Variants in AKAP6 observed in about 807,000 individuals in gnomAD.
The protein encoded by AKAP6 is A-kinase anchor protein 6.
Under a neutral mutation model 188.5 loss-of-function variants are expected in AKAP6, and 58 were observed. The ratio of observed to expected loss-of-function variants is 0.31; its 90% confidence interval spans 0.25 to 0.38. The LOEUF (loss-of-function observed/expected upper bound fraction) is 0.38. Among genes scored for constraint, AKAP6 ranks in the 10% least tolerant of loss-of-function variants. The pLI is 1.00. For missense variants in AKAP6, 2,710 were observed against 2,740.0 expected, an observed-to-expected ratio of 0.99 and a Z score of 0.24; for synonymous variants, 989 against 998.6, an observed-to-expected ratio of 0.99 and a Z score of 0.18.
At chr14:32,697,353 T>C (rs1188988124) in intron 9 of AKAP6, among the ~76,000 whole-genome samples, 2 of 152,190 alleles carry the variant, frequency 1.3e-5, no homozygotes, top group East Asian at 3.9e-4. Context: ...TTGTTGACTG[T>C]TAGCTGTTTC....
chr14:32,395,160 T>G (rs972944437), intron 1 of AKAP6, among the ~76,000 whole-genome samples: 10 of 152,114 alleles, frequency 6.6e-5, no homozygotes, highest in African/African-American at 2.4e-4. Context: ...CCAAGCAGGC[T>G]AAATATAACT....
At chr14:32,779,693 G>A (rs1042417704) in intron 12 of AKAP6, among the ~76,000 whole-genome samples, 5 of 152,114 alleles carry the variant, frequency 3.3e-5, no homozygotes, top group African/African-American at 4.8e-5. Context: ...CAACTGTGAG[G>A]AGACAACAAA....
chr14:32,819,362 C>T (rs1486759773), intron 12 of AKAP6, among the ~76,000 whole-genome samples: 1 of 152,156 alleles, frequency 6.6e-6, no homozygotes, highest in Non-Finnish European at 1.5e-5. Flanking sequence ...GGATTGAGGG[C>T]TTCTTAGGAA....
At chr14:32,444,829 C>T (rs2138751379) in intron 2 of AKAP6, among the ~76,000 whole-genome samples, 1 of 152,308 alleles carries the variant, frequency 6.6e-6, no homozygotes, top group Admixed American at 6.5e-5. Flanking sequence ...GTATTAACAA[C>T]AGCTGCATCT....
At chr14:32,554,107 T>C (rs186839744) in intron 4 of AKAP6, among the ~76,000 whole-genome samples, 29 of 152,364 alleles carry the variant, frequency 1.9e-4, no homozygotes, top group South Asian at 6.2e-4. Context: ...GTAATAGGGA[T>C]TGGCAAATTA....
rs766163200 is a variant in AKAP6 at position 32,822,947 on chromosome 14, C to G, written c.5134C>G (p.Pro1712Ala). Residue 1712 changes from proline to alanine, a missense_variant, in exon 13 of 14, where the codon CCG becomes GCG. By Grantham distance (27) the Pro-to-Ala change is conservative (BLOSUM62 -1). Coordinates refer to ENST00000280979, the MANE Select transcript of AKAP6 (RefSeq NM_004274.5). The stretch of plus-strand genomic sequence containing the variant: ...TATTGTGTTACACAAGAACAAGATC[C>G]CGGAATCGAATGCATCGTTCAGGAA... ...EDIVLHKNKI[P>A]ESNASFRKRL... 1 of 1,613,722 alleles carries G rather than the reference C, an allele frequency of 6.2e-7. No homozygotes were observed. The highest frequency in any genetic ancestry group is 8.5e-7 in the Non-Finnish European group (1 of 1,179,924).
Position 32,831,034 on chromosome 14 carries a change from A to G in AKAP6, c.*1229A>G, listed in dbSNP as rs746862774. The G allele has an allele frequency of 2.6e-5, 4 of 152,198 alleles. No homozygotes were observed. The highest frequency in any genetic ancestry group is 5.9e-5 in the Non-Finnish European group (4 of 68,022). 9.4% of individuals were successfully genotyped at this position (152,198 alleles called of 1,614,324 possible). A position where few individuals can be genotyped will look rare whatever the true frequency, so the allele number is the denominator to read the frequency against. ...ATTAAATGTCAGTTCCCCTAAACCA[A>G]TAAACATTTATACTAGATTTTTTAT... On this transcript the variant is annotated 3_prime_UTR_variant, in exon 14 of 14. Transcript: ENST00000280979.
At chr14:32,783,491 G>A (rs1186190303) in intron 12 of AKAP6, among the ~76,000 whole-genome samples, 1 of 151,554 alleles carries the variant, frequency 6.6e-6, no homozygotes, top group Non-Finnish European at 1.5e-5. Flanking sequence ...CCTCAATAAA[G>A]CTGTTTAAAA....
intron 1 of AKAP6, among the ~76,000 whole-genome samples, chr14:32,346,472 G>A (rs1442385213): frequency 1.3e-5 from 2 of 152,104 alleles, no homozygotes; most frequent in South Asian, 2.1e-4. Context: ...AAAACTCTGT[G>A]GGATATGAAG....
intron 2 of AKAP6, among the ~76,000 whole-genome samples, chr14:32,523,469 TCTC>T (rs1170770401): frequency 6.9e-6 from 1 of 145,024 alleles, no homozygotes; most frequent in Non-Finnish European, 1.5e-5. Flanking sequence ...CCTCTCTCTC[TCTC>T]TTTTTTTTTT....
Position 32,836,285 on chromosome 14 carries a change from G to C in AKAP6, c.*6480G>C, listed in dbSNP as rs1372930545. On this transcript the variant is annotated 3_prime_UTR_variant, in exon 14 of 14. Coordinates refer to ENST00000280979, the MANE Select transcript of AKAP6 (RefSeq NM_004274.5). ...GCTAGCAGATTCAGTGTCTGAGGAG[G>C]GCTCACTTTCTGTTTCATTGATGCA... 6.6e-6 allele frequency: 1 copy of C among 152,106 alleles called. No individual in the cohort carries two copies. The highest frequency in any genetic ancestry group is 1.5e-5 in the Non-Finnish European group (1 of 68,126). 9.4% of individuals were successfully genotyped at this position (152,106 alleles called of 1,614,324 possible).
intron 1 of AKAP6, among the ~76,000 whole-genome samples, chr14:32,381,670 G>A (rs956675122): frequency 2.6e-5 from 4 of 152,090 alleles, no homozygotes; most frequent in African/African-American, 9.7e-5. Context: ...AAGAGAAGAG[G>A]AGGAAGAGAT....
At chr14:32,694,721 TC>T (rs1479615640) in intron 8 of AKAP6, among the ~76,000 whole-genome samples, 2 of 144,100 alleles carry the variant, frequency 1.4e-5, no homozygotes, top group African/African-American at 2.4e-5. Context: ...CTAGATCTAT[TC>T]CCCCCCACCC....
chr14:32,686,374 T>C (rs1426559825), intron 8 of AKAP6, among the ~76,000 whole-genome samples: 1 of 152,140 alleles, frequency 6.6e-6, no homozygotes, highest in African/African-American at 2.4e-5. Flanking sequence ...GACCTAGCGC[T>C]TGATAGCACA....
At chr14:32,533,508 A>T (rs1003807320) in intron 2 of AKAP6, among the ~76,000 whole-genome samples, 1 of 152,160 alleles carries the variant, frequency 6.6e-6, no homozygotes, top group South Asian at 2.1e-4. Context: ...GGGTGAGTCC[A>T]GGTAGTAGAT....
intron 2 of AKAP6, among the ~76,000 whole-genome samples, chr14:32,483,056 T>C (rs942783515): frequency 2.0e-5 from 3 of 151,754 alleles, no homozygotes; most frequent in African/African-American, 7.3e-5. Context: ...CAAATTGTTT[T>C]CTGTAATCTT....
chr14:32,453,876 C>CAT (rs1566511459), intron 2 of AKAP6, among the ~76,000 whole-genome samples: 54 of 152,178 alleles, frequency 3.5e-4, no homozygotes, highest in African/African-American at 1.2e-3. Context: ...TGAGCCACTG[C>CAT]GCCCGGCCGA....
intron 1 of AKAP6, among the ~76,000 whole-genome samples, chr14:32,341,951 A>G (rs28656103): frequency 0.3 from 45,359 of 152,038 alleles, 8,065 homozygotes; most frequent in African/African-American, 0.49. Context: ...GTCTGAGGCT[A>G]CAATGAGCTG....
At chr14:32,692,091 C>A (rs142944663) in intron 8 of AKAP6, among the ~76,000 whole-genome samples, 3 of 152,260 alleles carry the variant, frequency 2.0e-5, no homozygotes, top group Non-Finnish European at 2.9e-5. Flanking sequence ...CTGTATCTAA[C>A]AAATCAAGTA....
Sources: gnomAD v4.1 joint callset for allele counts (sites outside exome capture counted in the v4.1 genomes callset) on GRCh38, gnomAD v4.1.1 for gene constraint, MANE v1.5 for transcripts, NCBI Gene and HGNC (gene_info 2026-07-23, HGNC 2026-07-21) for gene names.